The following USP8 variants were observed in gnomAD, a reference collection of about 807,000 sequenced individuals.
USP8 encodes the protein ubiquitin specific peptidase 8.
USP8 carries 27 observed loss-of-function variants against 130.0 expected under a neutral mutation model. The ratio of observed to expected loss-of-function variants is 0.21; its 90% CI spans 0.15 to 0.29. The LOEUF (loss-of-function observed/expected upper bound fraction) is 0.29, where lower values mean the gene tolerates loss of function less well. Among genes scored for constraint, USP8 ranks in the 10% least tolerant of loss-of-function variants. USP8 has a pLI of 1.00. For synonymous variants in USP8, 392 were observed against 444.1 expected, an observed-to-expected ratio of 0.88 and a Z score of 1.48; for missense variants, 1,029 against 1,312.2, an observed-to-expected ratio of 0.78 and a Z score of 3.33.
chr15:50,499,775 A>G lies in USP8; in HGVS notation c.*687A>G, dbSNP rs2052546092. On this transcript the variant is annotated 3_prime_UTR_variant, in exon 20 of 20. Transcript: ENST00000307179. ...ACATTAAAATCTTAATGAGAAAAAT[A>G]ATTTATAACCCTGTGGGTGTTCTGT... 1 of 152,156 alleles carries G rather than the reference A, an allele frequency of 6.6e-6. No individual in the cohort carries two copies. The highest frequency in any genetic ancestry group is 1.5e-5 in the Non-Finnish European group (1 of 68,024). 9.4% of individuals were successfully genotyped at this position (152,156 alleles called of 1,614,324 possible).
intron 5 of USP8, among the ~76,000 whole-genome samples, chr15:50,460,475 AT>A (rs1363852055): frequency 6.7e-6 from 1 of 149,872 alleles, no homozygotes; most frequent in African/African-American, 2.5e-5. Context: ...TGCCCAGCTA[AT>A]TTTCGTATTT....
chr15:50,492,973 C>T, intron 15 of USP8, 60 bp downstream of exon 15: 2 of 1,466,004 alleles, frequency 1.4e-6, no homozygotes, highest in South Asian at 2.3e-5. Flanking sequence ...ACCATATTTA[C>T]TGTCTTAGTC....
At chr15:50,461,553 TA>T (rs1171701477) in intron 5 of USP8, among the ~76,000 whole-genome samples, 5 of 151,704 alleles carry the variant, frequency 3.3e-5, no homozygotes, top group African/African-American at 9.7e-5. Flanking sequence ...TTGTCTTGGT[TA>T]AAAAATGTAA....
intron 12 of USP8, among the ~76,000 whole-genome samples, chr15:50,488,720 A>G (rs1406272556): frequency 6.6e-6 from 1 of 151,228 alleles, no homozygotes; most frequent in African/African-American, 2.4e-5. Flanking sequence ...GCATACCACC[A>G]TGGCTGGCTA....
chr15:50,451,232 G>A (rs1321843943), intron 4 of USP8, among the ~76,000 whole-genome samples: 2 of 152,118 alleles, frequency 1.3e-5, no homozygotes, highest in African/African-American at 4.8e-5. Flanking sequence ...ACATGGTAAA[G>A]CCCCGTCTCT....
intron 1 of USP8, 141 bp downstream of exon 1, chr15:50,424,655 G>T: frequency 5.1e-6 from 2 of 395,976 alleles, no homozygotes; most frequent in Non-Finnish European, 4.4e-6. Context: ...ACTCCTAAAG[G>T]TAGAATCAGC....
intron 18 of USP8, 87 bp downstream of exon 18, chr15:50,497,318 G>A: frequency 6.8e-7 from 1 of 1,467,652 alleles, no homozygotes; most frequent in East Asian, 2.4e-5. Context: ...TGTACTGCCT[G>A]CCATGGGCAC....
intron 4 of USP8, among the ~76,000 whole-genome samples, chr15:50,456,587 AAAATT>A (rs968981723): frequency 6.6e-6 from 1 of 151,266 alleles, no homozygotes; most frequent in Non-Finnish European, 1.5e-5. Flanking sequence ...AAAAAAAAAA[AAAATT>A]AACTGCTTAA....
chr15:50,459,229 G>GT, intron 5 of USP8, 67 bp downstream of exon 5: 2 of 1,529,968 alleles, frequency 1.3e-6, no homozygotes, highest in Non-Finnish European at 1.8e-6. Context: ...CTTAAAAAGA[G>GT]TTGAGATACC....
At chr15:50,466,840 A>G (rs1274550792) in intron 7 of USP8, 7 of 317,160 alleles carry the variant, frequency 2.2e-5, no homozygotes, top group East Asian at 1.6e-4. Flanking sequence ...TCCCTGGAGA[A>G]GGTGTGTGCT....
chr15:50,428,892 A>G (rs1342812471), intron 1 of USP8, among the ~76,000 whole-genome samples: 1 of 152,204 alleles, frequency 6.6e-6, no homozygotes, highest in Non-Finnish European at 1.5e-5. Flanking sequence ...GCCATGATTA[A>G]GTAAAATGAG....
chr15:50,464,624 A>C (rs1323879830), intron 6 of USP8, among the ~76,000 whole-genome samples: 1 of 152,212 alleles, frequency 6.6e-6, no homozygotes. Flanking sequence ...TGGGACGCCA[A>C]GGTGGGCAGA....
intron 10 of USP8, among the ~76,000 whole-genome samples, chr15:50,479,827 C>T (rs2051701179): frequency 6.6e-6 from 1 of 151,978 alleles, no homozygotes; most frequent in Non-Finnish European, 1.5e-5. Flanking sequence ...GGCGTGATCA[C>T]AGCTCACTGC....
At chr15:50,479,857 C>T (rs2051702153) in intron 10 of USP8, among the ~76,000 whole-genome samples, 1 of 151,982 alleles carries the variant, frequency 6.6e-6, no homozygotes, top group Admixed American at 6.5e-5. Context: ...TTCCTGGGTT[C>T]AAGCAATCCT....
chr15:50,482,386 T>C (rs1347897353), intron 11 of USP8, among the ~76,000 whole-genome samples: 1 of 152,252 alleles, frequency 6.6e-6, no homozygotes, highest in East Asian at 1.9e-4. Flanking sequence ...TAGAGTGAAA[T>C]ATAATCTCCT....
chr15:50,448,565 G>A (rs781457864), intron 3 of USP8, among the ~76,000 whole-genome samples: 1 of 151,420 alleles, frequency 6.6e-6, no homozygotes, highest in East Asian at 1.9e-4. Context: ...TGTCGCCCAG[G>A]CTGGAGTGCA....
intron 4 of USP8, among the ~76,000 whole-genome samples, chr15:50,456,448 T>G (rs2050791725): frequency 6.6e-6 from 1 of 151,486 alleles, no homozygotes; most frequent in South Asian, 2.1e-4. Context: ...TGGTGGGAGC[T>G]TGTCATCCCA....
chr15:50,482,154 G>A, intron 11 of USP8, 89 bp downstream of exon 11: 1 of 1,252,384 alleles, frequency 8.0e-7, no homozygotes, highest in Non-Finnish European at 1.1e-6. Flanking sequence ...TAAAAGGGCA[G>A]GCATTTCAAA....
At chr15:50,437,131 A>G (rs1567599682) in intron 1 of USP8, among the ~76,000 whole-genome samples, 1 of 152,008 alleles carries the variant, frequency 6.6e-6, no homozygotes, top group Non-Finnish European at 1.5e-5. Context: ...TTGCGTTGTT[A>G]TGCTCATATT....
Sources: gnomAD v4.1 joint callset for allele counts (sites outside exome capture counted in the v4.1 genomes callset) on GRCh38, gnomAD v4.1.1 for gene constraint, MANE v1.5 for transcripts, NCBI Gene and HGNC (gene_info 2026-07-23, HGNC 2026-07-21) for gene names.